The following LGSN variants were observed in gnomAD, a reference collection of about 807,000 sequenced individuals.
LGSN encodes the protein lengsin, lens protein with glutamine synthetase domain.
LGSN carries 21 observed loss-of-function variants against 19.5 expected under a neutral mutation model. The ratio of observed to expected loss-of-function variants is 1.07; its 90% CI spans 0.76 to 1.55. The LOEUF is 1.55. Among genes scored for constraint, LGSN ranks in the 40% most tolerant of loss-of-function variants. The pLI is 0.00. For missense variants in LGSN, 673 were observed against 608.5 expected (o/e 1.11, Z -1.12); for synonymous variants, 257 against 215.6 (o/e 1.19, Z -1.68).
chr6:63,295,131 T>C, intron 1 of LGSN, 86 bp from the exon 2 acceptor site: 3 of 1,276,634 alleles, frequency 2.3e-6, no homozygotes, highest in Non-Finnish European at 3.4e-6. Flanking sequence ...TTTGAATAGC[T>C]CAATTTTTTA....
At chr6:63,359,323 G>A in the LGSN span, among the ~76,000 whole-genome samples, 2 of 152,070 alleles carry the variant, frequency 1.3e-5, no homozygotes, top group Admixed American at 6.6e-5. Context: ...GCCCAGCTTT[G>A]GTATCAGGAA....
At chr6:63,412,707 G>GAA in the LGSN span, among the ~76,000 whole-genome samples, 4 of 91,418 alleles carry the variant, frequency 4.4e-5, no homozygotes, top group African/African-American at 2.5e-4. Flanking sequence ...AAGAAAGAAA[G>GAA]AGGGAAGGAA....
At chr6:63,430,451 C>A in the LGSN span, among the ~76,000 whole-genome samples, 1 of 152,038 alleles carries the variant, frequency 6.6e-6, no homozygotes. Context: ...TGAAGTGGTA[C>A]AATCTTGGCT....
the LGSN span, among the ~76,000 whole-genome samples, chr6:63,552,536 T>C: frequency 6.6e-6 from 1 of 152,218 alleles, no homozygotes; most frequent in African/African-American, 2.4e-5. Context: ...CTCTTTAGTT[T>C]AATTAGATCC....
chr6:63,483,863 C>T, the LGSN span, among the ~76,000 whole-genome samples: 2 of 151,360 alleles, frequency 1.3e-5, no homozygotes, highest in African/African-American at 4.9e-5. Flanking sequence ...CTGTCATCTA[C>T]TCTGAGAATC....
the LGSN span, among the ~76,000 whole-genome samples, chr6:63,359,139 T>C: frequency 6.6e-6 from 1 of 152,214 alleles, no homozygotes; most frequent in Non-Finnish European, 1.5e-5. Context: ...TTACATTTAT[T>C]GATTTGCATA....
chr6:63,500,789 G>T, the LGSN span, among the ~76,000 whole-genome samples: 2 of 151,672 alleles, frequency 1.3e-5, no homozygotes, highest in Non-Finnish European at 2.9e-5. Context: ...GTGCAGTGAT[G>T]CAATCTCCAC....
At chr6:63,548,817 T>C in the LGSN span, 1 of 745,972 alleles carries the variant, frequency 1.3e-6, no homozygotes, top group Non-Finnish European at 2.4e-6. Context: ...GCGGATCTCA[T>C]TGTATCTGTC....
intron 3 of LGSN, among the ~76,000 whole-genome samples, chr6:63,282,445 A>G (rs1332626501): frequency 6.6e-6 from 1 of 152,104 alleles, no homozygotes; most frequent in Non-Finnish European, 1.5e-5. Context: ...GCAACAGCAG[A>G]TTTGGTGTCT....
At chr6:63,323,773 CTTTT>C (rs150256951), upstream of LGSN, among the ~76,000 whole-genome samples, 2 of 126,264 alleles carry the variant, frequency 1.6e-5, no homozygotes, top group African/African-American at 6.1e-5. Flanking sequence ...TTTTTGCATT[CTTTT>C]TTTTTTTTTT....
At chr6:63,356,777 T>C in the LGSN span, among the ~76,000 whole-genome samples, 21 of 152,102 alleles carry the variant, frequency 1.4e-4, no homozygotes, top group Admixed American at 1.2e-3. Context: ...CCAATTGTCT[T>C]CCAATCTTTA....
chr6:63,403,029 A>C, the LGSN span, among the ~76,000 whole-genome samples: 972 of 152,202 alleles, frequency 6.4e-3, 82 homozygotes, highest in East Asian at 0.17. Flanking sequence ...GTCAAGCCCC[A>C]CAATCACATG....
At chr6:63,441,736 CA>C in the LGSN span, 4 of 405,698 alleles carry the variant, frequency 9.9e-6, no homozygotes, top group Admixed American at 1.2e-4. Context: ...ATTAGGCCCC[CA>C]AATCTAAGTC....
chr6:63,339,098 G>T, the LGSN span, among the ~76,000 whole-genome samples: 1 of 152,132 alleles, frequency 6.6e-6, no homozygotes, highest in African/African-American at 2.4e-5. Context: ...CTAATATATA[G>T]TCTATCCTGG....
chr6:63,480,285 A>T, the LGSN span: 2 of 216,060 alleles, frequency 9.3e-6, no homozygotes, highest in African/African-American at 2.3e-5. Flanking sequence ...AATTTGTGTC[A>T]TGCTCTACAT....
At chr6:63,357,476 C>T in the LGSN span, among the ~76,000 whole-genome samples, 1 of 152,204 alleles carries the variant, frequency 6.6e-6, no homozygotes, top group African/African-American at 2.4e-5. Flanking sequence ...TATTTCTCCA[C>T]ATCCTCTCCA....
chr6:63,501,306 G>A, the LGSN span, among the ~76,000 whole-genome samples: 1 of 150,114 alleles, frequency 6.7e-6, no homozygotes, highest in Non-Finnish European at 1.5e-5. Context: ...AGGTTGCAGT[G>A]AGCCGAGATT....
chr6:63,357,077 C>T, the LGSN span, among the ~76,000 whole-genome samples: 5 of 148,524 alleles, frequency 3.4e-5, no homozygotes, highest in South Asian at 2.1e-4. Flanking sequence ...TGAGAACATG[C>T]GGTGTTTGGT....
chr6:63,559,806 G>A, the LGSN span, among the ~76,000 whole-genome samples: 164 of 152,196 alleles, frequency 1.1e-3, 1 homozygote, highest in South Asian at 0.013. Context: ...TATAATACTA[G>A]CACTTTGGGA....
Sources: gnomAD v4.1 joint callset for allele counts (sites outside exome capture counted in the v4.1 genomes callset) on GRCh38, gnomAD v4.1.1 for gene constraint, MANE v1.5 for transcripts, NCBI Gene and HGNC (gene_info 2026-07-23, HGNC 2026-07-21) for gene names.